Variants in KIRREL3 observed in about 807,000 individuals in gnomAD.
The protein encoded by KIRREL3 is kin of IRRE-like protein 3.
KIRREL3 carries 36 observed loss-of-function variants against 89.7 expected under a neutral mutation model. The ratio of observed to expected loss-of-function variants is 0.40; its 90% CI spans 0.31 to 0.53. KIRREL3 has a LOEUF of 0.53. KIRREL3 is among the 20% of genes least tolerant of loss of function. The pLI is 0.49. For synonymous variants in KIRREL3, 445 were observed against 441.4 expected, an observed-to-expected ratio of 1.01 and a Z score of -0.10; for missense variants, 864 against 1,056.6, an observed-to-expected ratio of 0.82 and a Z score of 2.53.
At position 126,696,595 on chromosome 11, in the gene KIRREL3, G is replaced by A. The variant is rs1215767800; in HGVS notation, c.56-133683C>T. On this transcript the variant is annotated intron_variant, in intron 1 of 16. Transcript: ENST00000525144. This position sits in a 1 kb window ranked among gnomAD's most constrained non-coding sequence, Gnocchi z 4.4. ...GCCATCCTCCACGTGATCCCCAAAC[G>A]TTGCTGATCAACACACCACAGCTGG... Among the ~76,000 whole-genome samples the A allele has an allele frequency of 8.5e-5, 13 of 152,068 alleles. No individual in the cohort carries two copies. The highest frequency in any genetic ancestry group is 4.6e-4 in the Admixed American group (7 of 15,276).
chr11:126,511,469 T>C (rs1958219445), intron 4 of KIRREL3, among the ~76,000 whole-genome samples: 1 of 152,170 alleles, frequency 6.6e-6, no homozygotes, highest in Non-Finnish European at 1.5e-5. Context: ...GCTGTGGCCA[T>C]TCCCACTCCA....
intron 6 of KIRREL3, among the ~76,000 whole-genome samples, chr11:126,460,371 C>T (rs1318025684): frequency 1.3e-5 from 2 of 152,164 alleles, no homozygotes; most frequent in Non-Finnish European, 2.9e-5. Context: ...TTCATTTAAT[C>T]CTCACTGCAA....
intron 1 of KIRREL3, among the ~76,000 whole-genome samples, chr11:126,858,155 G>A (rs1213152781): frequency 6.6e-6 from 1 of 152,228 alleles, no homozygotes; most frequent in Non-Finnish European, 1.5e-5. Context: ...CAACCATCAT[G>A]TCATGGCAGC....
At position 126,491,815 on chromosome 11, in the gene KIRREL3, C is replaced by T. The variant is rs1272644948; in HGVS notation, c.434-18349G>A. ...CTCCCAGGTTCAAGCGATTCTCCTG[C>T]CTCAGCTGCCTGAGTAGCTGGGACT... On this transcript the variant is annotated intron_variant, in intron 4 of 16. Coordinates refer to ENST00000525144, the MANE Select transcript of KIRREL3 (RefSeq NM_032531.4). The surrounding 1 kb of genome is among the most constrained non-coding windows in gnomAD (Gnocchi z 5.5). 6.6e-6 allele frequency among the ~76,000 whole-genome samples: 1 copy of T among 152,124 alleles called. No homozygotes were observed. The highest frequency in any genetic ancestry group is 1.5e-5 in the Non-Finnish European group (1 of 68,030).
At chr11:126,863,076 G>A (rs190227692) in intron 1 of KIRREL3, among the ~76,000 whole-genome samples, 3 of 152,370 alleles carry the variant, frequency 2.0e-5, no homozygotes, top group Admixed American at 2.0e-4. Flanking sequence ...CCTGCTGTCT[G>A]AAAGGCTGTC....
intron 1 of KIRREL3, chr11:126,920,681 A>G (rs1482504877): frequency 6.6e-6 from 1 of 152,168 alleles, no homozygotes; most frequent in African/African-American, 2.4e-5. Context: ...TGGTCTCTCT[A>G]CTTTCTCCCT....
rs1483413351 is a variant in KIRREL3, at chr11:126,970,614, C to T, written c.55+29841G>A. Among the ~76,000 whole-genome samples, 1 of 152,148 alleles carries T rather than the reference C, an allele frequency of 6.6e-6. No individual in the cohort carries two copies. The highest frequency in any genetic ancestry group is 6.5e-5 in the Admixed American group (1 of 15,268). ...AAATCACAGAACACGTTTGCTTTTACTTTTGTGTACTCAGTTACCGAATTG... is the reference window on the plus strand; with the variant it reads ...AAATCACAGAACACGTTTGCTTTTATTTTTGTGTACTCAGTTACCGAATTG... On this transcript the variant is annotated intron_variant, in intron 1 of 16. Transcript: ENST00000525144. The surrounding 1 kb of genome is among the most constrained non-coding windows in gnomAD (Gnocchi z 4.4).
intron 1 of KIRREL3, among the ~76,000 whole-genome samples, chr11:126,585,286 T>C (rs533310513): frequency 1.5e-5 from 2 of 132,626 alleles, no homozygotes; most frequent in East Asian, 2.4e-4. Context: ...GGTGCAATGG[T>C]GCAATGGCGA....
rs1008255999 is a variant in KIRREL3, at chr11:126,454,318, G to C, written c.848+2031C>G. On this transcript the variant is annotated intron_variant, in intron 7 of 16. Transcript: ENST00000525144. This position sits in a 1 kb window ranked among gnomAD's most constrained non-coding sequence, Gnocchi z 5.8. ...TGGGGGTGGAGGGGTCAGGTCCCAG[G>C]GCGTGCAGCCCTGCTGTCTGCCCAG... Among the ~76,000 whole-genome samples, 2 of 152,186 alleles carry C rather than the reference G, an allele frequency of 1.3e-5. No individual in the cohort carries two copies. The highest frequency in any genetic ancestry group is 4.8e-5 in the African/African-American group (2 of 41,452).
Position 126,772,220 on chromosome 11 carries a change from C to T in KIRREL3, c.56-209308G>A, listed in dbSNP as rs529099064. Among the ~76,000 whole-genome samples the T allele has an allele frequency of 2.0e-5, 3 of 152,280 alleles. No homozygotes were observed. The South Asian group carries it at 6.2e-4, about 32-fold the overall frequency. Reference sequence around the variant, plus strand: ...GTTAGTTGGGAGGGAGGATGCACTACAAATCAGAAAGAACAGTGCTAAGAT... The same window carrying T: ...GTTAGTTGGGAGGGAGGATGCACTATAAATCAGAAAGAACAGTGCTAAGAT... On this transcript the variant is annotated intron_variant, in intron 1 of 16. Transcript: ENST00000525144. The surrounding 1 kb of genome is among the most constrained non-coding windows in gnomAD (Gnocchi z 4.6).
chr11:126,699,525 TTTTA>T (rs1422773505), intron 1 of KIRREL3, among the ~76,000 whole-genome samples: 1 of 152,242 alleles, frequency 6.6e-6, no homozygotes, highest in African/African-American at 2.4e-5. Flanking sequence ...GAATAGTATG[TTTTA>T]TTTTAGTAAT....
At chr11:126,820,482 T>C (rs1943173111) in intron 1 of KIRREL3, among the ~76,000 whole-genome samples, 1 of 152,138 alleles carries the variant, frequency 6.6e-6, no homozygotes, top group Non-Finnish European at 1.5e-5. Flanking sequence ...GAGTTTATAA[T>C]CTATCCTGGG....
Position 126,847,769 on chromosome 11 carries a change from G to T in KIRREL3, c.55+152686C>A, listed in dbSNP as rs778640113. Among the ~76,000 whole-genome samples, 123 of 152,164 alleles carry T rather than the reference G, an allele frequency of 8.1e-4. 1 individual carries two copies. The highest frequency in any genetic ancestry group is 1.4e-3 in the Non-Finnish European group (97 of 68,038). ...TTACAGCTTGAAGCAATTGAGTAAA[G>T]TACACTCCTGTAAACAGAATTTGGA... is the stretch of plus-strand genomic sequence containing the variant. On this transcript the variant is annotated intron_variant, in intron 1 of 16. Transcript: ENST00000525144.
Position 126,628,175 on chromosome 11 carries a change from C to T in KIRREL3, c.56-65263G>A, listed in dbSNP as rs975831448. On this transcript the variant is annotated intron_variant, in intron 1 of 16. Coordinates refer to ENST00000525144, the MANE Select transcript of KIRREL3 (RefSeq NM_032531.4). The surrounding 1 kb of genome is among the most constrained non-coding windows in gnomAD (Gnocchi z 5.2). ...CTCTGAACACACTTCGCCCACCCCT[C>T]CAAGGCTTCTGGCCTGCATCCCACT... Among the ~76,000 whole-genome samples, 1 of 152,220 alleles carries T rather than the reference C, an allele frequency of 6.6e-6. No individual in the cohort carries two copies. The highest frequency in any genetic ancestry group is 2.4e-5 in the African/African-American group (1 of 41,452).
chr11:126,518,392 T>A (rs1423286669), intron 4 of KIRREL3, among the ~76,000 whole-genome samples: 4 of 152,242 alleles, frequency 2.6e-5, no homozygotes, highest in Non-Finnish European at 4.4e-5. Flanking sequence ...GGTACTTCGA[T>A]GGAAGACCCC....
chr11:126,660,634 A>G (rs1419325199), intron 1 of KIRREL3, among the ~76,000 whole-genome samples: 2 of 151,792 alleles, frequency 1.3e-5, no homozygotes, highest in Admixed American at 6.6e-5. Context: ...CCCACATTGG[A>G]GGAGCAAACT....
rs2134723295 is a variant in KIRREL3 at position 126,594,952 on chromosome 11, C to T, written c.56-32040G>A. 6.6e-6 allele frequency among the ~76,000 whole-genome samples: 1 copy of T among 152,330 alleles called. No individual in the cohort carries two copies. Among genetic ancestry groups the T allele is most frequent in the Non-Finnish European group, 1.5e-5 (1 of 68,022 alleles). ...CCTGGTGAAAGTCACTTTGCAGCTG[C>T]CCTGGGCCCTCGGACCCTCAGGGGC... On this transcript the variant is annotated intron_variant, in intron 1 of 16. Coordinates refer to ENST00000525144, the MANE Select transcript of KIRREL3 (RefSeq NM_032531.4). The surrounding 1 kb of genome is among the most constrained non-coding windows in gnomAD (Gnocchi z 5.0).
rs555217351 is a variant in KIRREL3, at chr11:126,775,422, G to C, written c.56-212510C>G. Among the ~76,000 whole-genome samples, 158 of 152,236 alleles carry C rather than the reference G, an allele frequency of 1.0e-3. 1 individual carries two copies. Among genetic ancestry groups the C allele is most frequent in the South Asian group, 7.5e-3 (36 of 4,802 alleles). On this transcript the variant is annotated intron_variant, in intron 1 of 16. Transcript: ENST00000525144. ...GATGCAGGCTGGTAACTCCTTGAAG[G>C]GGGTGCCCATCTTGACTCCCTGTGA...
chr11:126,595,009 C>T (rs1942328838), intron 1 of KIRREL3, among the ~76,000 whole-genome samples: 1 of 152,238 alleles, frequency 6.6e-6, no homozygotes, highest in Non-Finnish European at 1.5e-5. Flanking sequence ...GGCACCCCGT[C>T]CTGAGCGTGC....
Sources: allele counts gnomAD v4.1 joint callset (sites outside exome capture counted in the v4.1 genomes callset), GRCh38; gene constraint gnomAD v4.1.1; non-coding constraint Gnocchi (gnomAD v3.1); transcripts MANE v1.5; gene names NCBI Gene and HGNC (gene_info 2026-07-23, HGNC 2026-07-21).